SORCS2: variants seen among roughly 807,000 people sequenced by gnomAD.
The protein encoded by SORCS2 is VPS10 domain-containing receptor SorCS2.
Under a neutral mutation model 141.6 loss-of-function variants are expected in SORCS2, and 100 were observed. That is an observed-to-expected ratio of 0.71 (90% confidence interval 0.60 to 0.83). The LOEUF (loss-of-function observed/expected upper bound fraction) is 0.83, where lower values mean the gene tolerates loss of function less well. Among genes scored for constraint, SORCS2 ranks in the 40% least tolerant of loss-of-function variants. The pLI is 0.00. For missense variants in SORCS2, 1,646 were observed against 1,560.2 expected (o/e 1.05, Z -0.93); for synonymous variants, 789 against 676.9 (o/e 1.17, Z -2.57).
chr4:7,412,823 C>T (rs1280732018), intron 2 of SORCS2, among the ~76,000 whole-genome samples: 1 of 152,046 alleles, frequency 6.6e-6, no homozygotes, highest in Admixed American at 6.5e-5. Context: ...CCCACCCAGG[C>T]TGGGTCTTGC....
chr4:7,295,861 G>C (rs1717014589), intron 1 of SORCS2, among the ~76,000 whole-genome samples: 1 of 152,218 alleles, frequency 6.6e-6, no homozygotes, highest in African/African-American at 2.4e-5. Context: ...GGAGCAGCAT[G>C]CCCAGCACAC....
At chr4:7,303,445 T>TAA (rs1717575540) in intron 1 of SORCS2, among the ~76,000 whole-genome samples, 1 of 152,228 alleles carries the variant, frequency 6.6e-6, no homozygotes, top group South Asian at 2.1e-4. Context: ...TCTATGCCCC[T>TAA]TTTTAGTTCT....
At chr4:7,545,156 A>G (rs1437511208) in intron 3 of SORCS2, among the ~76,000 whole-genome samples, 1 of 148,384 alleles carries the variant, frequency 6.7e-6, no homozygotes, top group African/African-American at 2.5e-5. Context: ...AAAAAAAAAA[A>G]AACTCGAGCT....
In SORCS2 at chr4:7,549,708, GC is replaced by G. The variant is rs1387290440; in HGVS notation, c.648+18082del. 7.9e-5 allele frequency among the ~76,000 whole-genome samples: 12 copies of G among 152,218 alleles called. 1 individual carries two copies. On this transcript the variant is annotated intron_variant, in intron 3 of 26. Transcript: ENST00000507866. ...AGTTAATTCTTGTTCCTTTCTGCCT[GC>G]CCACAGCCCGCTGCGCACACACAGA...
intron 2 of SORCS2, among the ~76,000 whole-genome samples, chr4:7,424,058 C>CGGAGAGTG (rs1160081782): frequency 6.6e-6 from 1 of 152,136 alleles, no homozygotes; most frequent in East Asian, 1.9e-4. Context: ...TGCTGCTTAC[C>CGGAGAGTG]CAGCGGAGAG....
chr4:7,520,156 C>T (rs888977095), intron 2 of SORCS2, among the ~76,000 whole-genome samples: 2 of 152,206 alleles, frequency 1.3e-5, no homozygotes, highest in Admixed American at 6.5e-5. Flanking sequence ...TGCACGGCAC[C>T]GCTGGCTGCA....
At chr4:7,353,763 G>A (rs762162409) in intron 1 of SORCS2, among the ~76,000 whole-genome samples, 20 of 152,164 alleles carry the variant, frequency 1.3e-4, no homozygotes, top group Non-Finnish European at 2.4e-4. Flanking sequence ...GGGTGGGGTT[G>A]CTGGAACTAG....
intron 2 of SORCS2, among the ~76,000 whole-genome samples, chr4:7,524,166 G>A (rs1733515882): frequency 6.6e-6 from 1 of 152,204 alleles, no homozygotes; most frequent in African/African-American, 2.4e-5. Context: ...TGGGTCCAGG[G>A]CCTTTGCAGA....
At chr4:7,549,068 T>A (rs1470939412) in intron 3 of SORCS2, among the ~76,000 whole-genome samples, 1 of 151,362 alleles carries the variant, frequency 6.6e-6, no homozygotes, top group Admixed American at 6.6e-5. Context: ...GGAAGGAGGG[T>A]TCTCCAAGCC....
intron 1 of SORCS2, among the ~76,000 whole-genome samples, chr4:7,200,115 G>A (rs573098237): frequency 6.6e-6 from 1 of 152,084 alleles, no homozygotes; most frequent in Non-Finnish European, 1.5e-5. Context: ...ATCCCCCCTC[G>A]CTGGAAGTGC....
chr4:7,493,400 C>T (rs187854334), intron 2 of SORCS2, among the ~76,000 whole-genome samples: 71 of 152,256 alleles, frequency 4.7e-4, no homozygotes, highest in African/African-American at 1.6e-3. Flanking sequence ...CGTGGAGGGG[C>T]ACAGCAGCTT....
At chr4:7,639,294 A>G (rs1720478108) in intron 4 of SORCS2, among the ~76,000 whole-genome samples, 2 of 152,206 alleles carry the variant, frequency 1.3e-5, no homozygotes, top group African/African-American at 4.8e-5. Context: ...TCTAGGGAGG[A>G]GTCCAACCCT....
chr4:7,484,898 A>G (rs1049714691), intron 2 of SORCS2, among the ~76,000 whole-genome samples: 1 of 151,738 alleles, frequency 6.6e-6, no homozygotes, highest in Non-Finnish European at 1.5e-5. Flanking sequence ...CCTCCTCCAC[A>G]CAGCCTGCCT....
Position 7,661,557 on chromosome 4 carries a change from C to A in SORCS2, c.945C>A (p.Leu315=), listed in dbSNP as rs376364746. The A allele has an allele frequency of 1.3e-5, 20 of 1,551,786 alleles. No homozygotes were observed. In the African/African-American group the frequency reaches 2.3e-4, roughly 18 times the overall value. Residue 315 remains leucine (L), a synonymous_variant, in exon 6 of 27, where the codon CTC becomes CTA. Transcript: ENST00000507866. The part of the protein sequence containing the change: ...PDLVHVEAQD[L]GGDFRYVTCA... ...TGGTCCACGTGGAAGCCCAAGACCT[C>A]GGTGGAGGTAAGCCGGGCAGTGCAC...
chr4:7,454,123 TGTGTTGGGGTCAGGA>T (rs1728690891), intron 2 of SORCS2, among the ~76,000 whole-genome samples: 1 of 127,506 alleles, frequency 7.8e-6, no homozygotes, highest in Admixed American at 7.7e-5. Flanking sequence ...GGTCAGGCAC[TGTGTTGGGGTCAGGA>T]GCTGTGTGTT....
chr4:7,409,858 G>T (rs1322958403), intron 2 of SORCS2, among the ~76,000 whole-genome samples: 1 of 152,188 alleles, frequency 6.6e-6, no homozygotes, highest in Non-Finnish European at 1.5e-5. Context: ...GTTTTCTGTG[G>T]GTGGGAGTGA....
In SORCS2 at chr4:7,193,186, C is replaced by T. The variant is rs1202785583; in HGVS notation, c.480+60C>T. The stretch of plus-strand genomic sequence containing the variant: ...CCCGGGACACCGCGGGACACCCGGG[C>T]GGGACCGCCACGGCCCCCACCCCAG... On this transcript the variant is annotated intron_variant, in intron 1 of 26. Coordinates refer to ENST00000507866, the MANE Select transcript of SORCS2 (RefSeq NM_020777.3). This position sits in a 1 kb window ranked among gnomAD's most constrained non-coding sequence, Gnocchi z 4.8. 5 of 1,408,362 alleles carry T rather than the reference C, an allele frequency of 3.6e-6. No individual in the cohort carries two copies. The highest frequency in any genetic ancestry group is 1.5e-5 in the South Asian group (1 of 64,940). The allele number at this position is 1,408,362 out of a possible 1,614,324, so 87.2% of individuals were successfully genotyped here. A position where few individuals can be genotyped will look rare whatever the true frequency, so the allele number is the denominator to read the frequency against.
chr4:7,506,833 C>T (rs11723674), intron 2 of SORCS2, among the ~76,000 whole-genome samples: 3,272 of 152,298 alleles, frequency 0.021, 63 homozygotes, highest in Non-Finnish European at 0.031. Flanking sequence ...GACACTTGTC[C>T]CTCAATACAC....
intron 3 of SORCS2, among the ~76,000 whole-genome samples, chr4:7,541,243 C>T (rs961417573): frequency 3.3e-5 from 5 of 151,900 alleles, no homozygotes; most frequent in South Asian, 2.1e-4. Context: ...GGGGTGTGGG[C>T]GCCATTGTGG....
Sources: allele counts gnomAD v4.1 joint callset (sites outside exome capture counted in the v4.1 genomes callset), GRCh38; gene constraint gnomAD v4.1.1; non-coding constraint Gnocchi (gnomAD v3.1); transcripts MANE v1.5; gene names NCBI Gene and HGNC (gene_info 2026-07-23, HGNC 2026-07-21).